Variants in MCTP1 observed in about 807,000 individuals in gnomAD.
The protein encoded by MCTP1 is multiple C2 and transmembrane domain containing 1, also known as multiple C2 and transmembrane domain-containing protein 1.
Under a neutral mutation model 120.6 loss-of-function variants are expected in MCTP1, and 69 were observed. The ratio of observed to expected loss-of-function variants is 0.57; its 90% CI spans 0.47 to 0.70. The LOEUF is 0.70. Ranked by LOEUF, MCTP1 falls within the 30% of genes least tolerant of loss-of-function variation. The probability of loss-of-function intolerance (pLI) is 0.00; values close to 1 mark genes in which losing one functional copy is unlikely to be tolerated. For synonymous variants in MCTP1, 529 were observed against 493.1 expected, an observed-to-expected ratio of 1.07 and a Z score of -0.96; for missense variants, 1,203 against 1,248.8, an observed-to-expected ratio of 0.96 and a Z score of 0.55.
chr5:94,985,112 T>C (rs146338294), intron 2 of MCTP1, among the ~76,000 whole-genome samples: 7 of 152,262 alleles, frequency 4.6e-5, no homozygotes, highest in African/African-American at 1.4e-4. Flanking sequence ...GAGCAAGTAC[T>C]CGAGAAAAGA....
chr5:94,836,159 A>C (rs920919003), intron 17 of MCTP1, among the ~76,000 whole-genome samples: 5 of 135,058 alleles, frequency 3.7e-5, no homozygotes, highest in African/African-American at 1.4e-4. Context: ...CAGCCTGGGC[A>C]ACAGAGCAAG....
At chr5:95,093,439 G>T (rs1755998881) in intron 1 of MCTP1, among the ~76,000 whole-genome samples, 1 of 152,094 alleles carries the variant, frequency 6.6e-6, no homozygotes, top group Admixed American at 6.5e-5. Flanking sequence ...TGAAATTTAG[G>T]TATGTCGGGG....
At chr5:94,738,552 CCTTGGGAATT>C (rs1428271445) in intron 19 of MCTP1, among the ~76,000 whole-genome samples, 6 of 152,156 alleles carry the variant, frequency 3.9e-5, no homozygotes, top group Non-Finnish European at 8.8e-5. Context: ...CTCACCTCTA[CCTTGGGAATT>C]CTTATTGTTT....
intron 17 of MCTP1, among the ~76,000 whole-genome samples, chr5:94,833,952 A>T (rs536135130): frequency 6.6e-6 from 1 of 152,222 alleles, no homozygotes; most frequent in Non-Finnish European, 1.5e-5. Flanking sequence ...AAGACATCAA[A>T]TTTGAAAGGC....
At chr5:95,040,401 T>G (rs200068956) in intron 1 of MCTP1, among the ~76,000 whole-genome samples, 2 of 150,774 alleles carry the variant, frequency 1.3e-5, no homozygotes, top group East Asian at 3.9e-4. Context: ...ATGGTGCTAC[T>G]GCACTCCAGC....
chr5:94,966,656 G>A (rs946605114), intron 2 of MCTP1, among the ~76,000 whole-genome samples: 1 of 152,036 alleles, frequency 6.6e-6, no homozygotes, highest in Non-Finnish European at 1.5e-5. Context: ...TTAACAAGGC[G>A]TGGTGGCGGG....
intron 1 of MCTP1, among the ~76,000 whole-genome samples, chr5:95,054,028 C>G (rs1368351571): frequency 6.6e-6 from 1 of 152,188 alleles, no homozygotes; most frequent in Non-Finnish European, 1.5e-5. Context: ...GCTCAGTGAA[C>G]CCAGGTTATT....
intron 17 of MCTP1, among the ~76,000 whole-genome samples, chr5:94,809,788 T>A (rs914289761): frequency 2.0e-5 from 3 of 152,128 alleles, no homozygotes; most frequent in Non-Finnish European, 4.4e-5. Flanking sequence ...GCTCAAGTAC[T>A]ACATTAAAGA....
chr5:95,061,263 A>C (rs865908279), intron 1 of MCTP1, among the ~76,000 whole-genome samples: 1 of 151,942 alleles, frequency 6.6e-6, no homozygotes, highest in Admixed American at 6.6e-5. Context: ...AAAGAGATAA[A>C]TAAGGGAAAA....
intron 17 of MCTP1, among the ~76,000 whole-genome samples, chr5:94,829,379 C>G (rs1240237574): frequency 6.6e-6 from 1 of 152,222 alleles, no homozygotes. Flanking sequence ...GCGTTGGTCT[C>G]GCTGGGAGCT....
chr5:94,796,622 TAA>T (rs1780106055), intron 18 of MCTP1, among the ~76,000 whole-genome samples: 1 of 92,846 alleles, frequency 1.1e-5, no homozygotes, highest in Non-Finnish European at 2.3e-5. Flanking sequence ...ATAATATATA[TAA>T]TATATATTAT....
At chr5:95,035,335 G>A (rs1393133573) in intron 1 of MCTP1, among the ~76,000 whole-genome samples, 1 of 152,038 alleles carries the variant, frequency 6.6e-6, no homozygotes, top group African/African-American at 2.4e-5. Context: ...TCCATCAGCA[G>A]TGAATTGGAT....
chr5:95,130,345 A>G (rs1758948885), intron 1 of MCTP1, among the ~76,000 whole-genome samples: 1 of 152,224 alleles, frequency 6.6e-6, no homozygotes, highest in African/African-American at 2.4e-5. Context: ...CAGTAAGTTC[A>G]TAAGCAAAGC....
chr5:94,871,197 C>T (rs769908033), intron 14 of MCTP1, 118 bp downstream of exon 14: 3 of 734,796 alleles, frequency 4.1e-6, no homozygotes, highest in Non-Finnish European at 4.7e-6. Context: ...TTTTAGTGTT[C>T]TTATTACAGA....
intron 17 of MCTP1, among the ~76,000 whole-genome samples, chr5:94,859,964 T>C (rs2153231872): frequency 6.6e-6 from 1 of 151,878 alleles, no homozygotes; most frequent in East Asian, 1.9e-4. Flanking sequence ...TGAAGCATGC[T>C]TGGCAGGAAC....
intron 1 of MCTP1, among the ~76,000 whole-genome samples, chr5:95,278,459 C>T (rs1175808552): frequency 6.6e-6 from 1 of 151,968 alleles, no homozygotes; most frequent in East Asian, 1.9e-4. Flanking sequence ...AAAACATGCA[C>T]GTTTATATAA....
intron 17 of MCTP1, among the ~76,000 whole-genome samples, chr5:94,820,653 G>C (rs1408252145): frequency 6.6e-6 from 1 of 152,174 alleles, no homozygotes; most frequent in Non-Finnish European, 1.5e-5. Flanking sequence ...TTAAAGCATG[G>C]TCTGTCCCTA....
At chr5:95,098,874 C>G (rs1165190697) in intron 1 of MCTP1, among the ~76,000 whole-genome samples, 1 of 152,140 alleles carries the variant, frequency 6.6e-6, no homozygotes, top group Non-Finnish European at 1.5e-5. Context: ...TCAAACTATA[C>G]CACAAGGCTA....
intron 1 of MCTP1, among the ~76,000 whole-genome samples, chr5:95,137,954 T>A (rs1759570786): frequency 6.6e-6 from 1 of 152,188 alleles, no homozygotes; most frequent in Non-Finnish European, 1.5e-5. Flanking sequence ...GTATGACTAT[T>A]GAATTACAGG....
Sources: allele counts gnomAD v4.1 joint callset (sites outside exome capture counted in the v4.1 genomes callset), GRCh38; gene constraint gnomAD v4.1.1; transcripts MANE v1.5; gene names NCBI Gene and HGNC (gene_info 2026-07-23, HGNC 2026-07-21).